Variants in MAP4 observed in about 807,000 individuals in gnomAD.
MAP4 encodes the protein microtubule-associated protein 4.
A neutral mutation model predicts 170.2 loss-of-function variants in MAP4; 76 were observed. The observed-to-expected ratio is 0.45, with a 90% CI of 0.37 to 0.54. The LOEUF (loss-of-function observed/expected upper bound fraction) is 0.54, where lower values mean the gene tolerates loss of function less well. MAP4 is among the 20% of genes least tolerant of loss of function. The pLI is 0.00. For missense variants in MAP4, 2,506 were observed against 2,748.0 expected, an observed-to-expected ratio of 0.91 and a Z score of 1.97; for synonymous variants, 909 against 994.5, an observed-to-expected ratio of 0.91 and a Z score of 1.62.
At chr3:47,907,023 T>G (rs1483801483) in intron 9 of MAP4, among the ~76,000 whole-genome samples, 3 of 151,974 alleles carry the variant, frequency 2.0e-5, no homozygotes, top group Non-Finnish European at 2.9e-5. Flanking sequence ...TTAGTAGAGA[T>G]GGGGTTTCTC....
intron 3 of MAP4, among the ~76,000 whole-genome samples, chr3:47,940,792 T>C (rs532047487): frequency 6.6e-6 from 1 of 152,184 alleles, no homozygotes; most frequent in South Asian, 2.1e-4. Flanking sequence ...TTTAAGAAAC[T>C]ACCACTTGGC....
At chr3:48,031,530 G>A (rs1408077341) in intron 1 of MAP4, among the ~76,000 whole-genome samples, 3 of 151,198 alleles carry the variant, frequency 2.0e-5, no homozygotes, top group Non-Finnish European at 2.9e-5. Context: ...CAGCCTGGGC[G>A]ACAGAGCAAG....
chr3:47,904,049 ATCTTTT>A (rs769171162), intron 9 of MAP4, among the ~76,000 whole-genome samples: 21 of 152,318 alleles, frequency 1.4e-4, no homozygotes, highest in African/African-American at 4.6e-4. Flanking sequence ...GTCAACCTTC[ATCTTTT>A]TCTTTTTAAG....
At chr3:47,876,031 G>A (rs974966181) in intron 11 of MAP4, 131 bp from the exon 12 acceptor site, 3 of 632,746 alleles carry the variant, frequency 4.7e-6, no homozygotes, top group African/African-American at 1.9e-5. Flanking sequence ...AATGAGGATA[G>A]ATGCAACTTA....
chr3:47,996,550 G>A (rs2100095750), intron 2 of MAP4, among the ~76,000 whole-genome samples: 1 of 152,102 alleles, frequency 6.6e-6, no homozygotes, highest in South Asian at 2.1e-4. Context: ...CCCACTCTAA[G>A]CATAGAATTA....
Position 47,916,750 on chromosome 3 carries a change from A to G in MAP4, c.1077T>C (p.Pro359=). Residue 359 remains proline (P), a synonymous_variant, in exon 7 of 21, where the codon CCT becomes CCC. Coordinates refer to ENST00000683076, the MANE Select transcript of MAP4 (RefSeq NM_001385682.1). ...TGGAAGGGGCTAAGTCCATTTTTAT[A>G]GGAGATGCCCTCTCTGTTTCTTTCA... ...TLLKETERAS[P]IKMDLAPSKD... The G allele has an allele frequency of 6.2e-7, 1 of 1,614,086 alleles. No homozygotes were observed. Among genetic ancestry groups the G allele is most frequent in the Non-Finnish European group, 8.5e-7 (1 of 1,180,016 alleles).
chr3:47,946,003 C>T (rs542319907), intron 3 of MAP4, among the ~76,000 whole-genome samples: 7 of 151,964 alleles, frequency 4.6e-5, no homozygotes, highest in African/African-American at 9.6e-5. Flanking sequence ...GGCACAATTT[C>T]GGCTCACTGC....
intron 1 of MAP4, among the ~76,000 whole-genome samples, chr3:48,015,117 G>T (rs1395738361): frequency 6.6e-6 from 1 of 152,118 alleles, no homozygotes; most frequent in Non-Finnish European, 1.5e-5. Context: ...TCAGCAGAAA[G>T]AAATAAACTT....
chr3:47,991,694 C>T (rs929642191), intron 2 of MAP4, among the ~76,000 whole-genome samples: 2 of 150,596 alleles, frequency 1.3e-5, no homozygotes, highest in Non-Finnish European at 3.0e-5. Context: ...GACGGAATTT[C>T]GCTCTTGTTG....
intron 10 of MAP4, among the ~76,000 whole-genome samples, chr3:47,900,532 T>G (rs1173824201): frequency 6.6e-6 from 1 of 152,000 alleles, no homozygotes. Context: ...CTGCTGGAGT[T>G]TGAGACTAGC....
intron 1 of MAP4, among the ~76,000 whole-genome samples, chr3:48,063,577 C>T (rs1401900586): frequency 6.6e-6 from 1 of 151,864 alleles, no homozygotes; most frequent in Non-Finnish European, 1.5e-5. Flanking sequence ...TCACAATTGC[C>T]AAAACTTGGA....
chr3:47,897,927 G>A (rs2100027818), intron 10 of MAP4, among the ~76,000 whole-genome samples: 1 of 145,490 alleles, frequency 6.9e-6, no homozygotes, highest in Non-Finnish European at 1.5e-5. Flanking sequence ...AGGCAACAGA[G>A]TGAGACTCCA....
At chr3:47,995,314 G>A (rs1460737149) in intron 2 of MAP4, among the ~76,000 whole-genome samples, 6 of 144,900 alleles carry the variant, frequency 4.1e-5, no homozygotes, top group East Asian at 2.0e-4. Context: ...GCAGTGGCAC[G>A]CTCTCCACTC....
At chr3:47,886,511 C>T (rs1330570497) in intron 10 of MAP4, among the ~76,000 whole-genome samples, 2 of 152,172 alleles carry the variant, frequency 1.3e-5, no homozygotes, top group Non-Finnish European at 2.9e-5. Flanking sequence ...CCATGTTGCT[C>T]AGGCTGGTCT....
Position 47,877,514 on chromosome 3 carries a change from C to G in MAP4, c.5444G>C (p.Arg1815Thr). Residue 1815 changes from arginine (R) to threonine (T), a missense_variant, in exon 11 of 21, where the codon AGG (arginine) becomes ACG (threonine). Physicochemically the swap from Arg to Thr is moderately conservative, Grantham distance 71. Coordinates refer to ENST00000683076, the MANE Select transcript of MAP4 (RefSeq NM_001385682.1). ...CACCACAGGCCTTCCTTCTTCTGGC[C>G]TGGCTATTCCTAAGGGGAGAGGGTG... is the stretch of plus-strand genomic sequence containing the variant. ...QLGMSVYGIA[R>T]PEEGRPVVSG... 1 of 1,612,036 alleles carries G rather than the reference C, an allele frequency of 6.2e-7. No homozygotes were observed. Among genetic ancestry groups the G allele is most frequent in the Non-Finnish European group, 8.5e-7 (1 of 1,178,604 alleles).
At chr3:48,047,530 G>A (rs897354567) in intron 1 of MAP4, among the ~76,000 whole-genome samples, 1 of 152,178 alleles carries the variant, frequency 6.6e-6, no homozygotes, top group Non-Finnish European at 1.5e-5. Flanking sequence ...GGGAATTCAT[G>A]TGGTAAGGTG....
intron 1 of MAP4, among the ~76,000 whole-genome samples, chr3:48,079,183 C>A (rs1240457983): frequency 4.0e-5 from 6 of 151,850 alleles, no homozygotes; most frequent in Admixed American, 1.3e-4. Flanking sequence ...CACAAAAATC[C>A]GAAATCTGAA....
chr3:47,903,162 T>C (rs1387581092), intron 9 of MAP4, among the ~76,000 whole-genome samples, 162 bp from the exon 10 acceptor site: 1 of 152,126 alleles, frequency 6.6e-6, no homozygotes, highest in Non-Finnish European at 1.5e-5. Flanking sequence ...ACAACTAACA[T>C]GGAGCGGGTA....
At chr3:47,930,785 C>T (rs993696566) in intron 3 of MAP4, among the ~76,000 whole-genome samples, 5 of 151,672 alleles carry the variant, frequency 3.3e-5, no homozygotes, top group Non-Finnish European at 7.4e-5. Flanking sequence ...AAAAATTAGC[C>T]GGGCATGGTG....
Sources: gnomAD v4.1 joint callset for allele counts (sites outside exome capture counted in the v4.1 genomes callset) on GRCh38, gnomAD v4.1.1 for gene constraint, MANE v1.5 for transcripts, NCBI Gene and HGNC (gene_info 2026-07-23, HGNC 2026-07-21) for gene names.